RNF17: variants seen among roughly 807,000 people sequenced by gnomAD.
RNF17 encodes the protein spermatogenesis associated 23.
A neutral mutation model predicts 200.5 loss-of-function variants in RNF17; 31 were observed. The observed-to-expected ratio is 0.15, with a 90% CI of 0.12 to 0.21. RNF17 has a LOEUF of 0.21. Among genes scored for constraint, RNF17 ranks in the 10% least tolerant of loss-of-function variants. RNF17 has a pLI of 1.00. For synonymous variants in RNF17, 606 were observed against 637.8 expected (o/e 0.95, Z 0.75); for missense variants, 1,628 against 1,905.1 (o/e 0.85, Z 2.71).
chr13:24,762,309 C>A (rs868583239), upstream of RNF17, among the ~76,000 whole-genome samples: 8 of 139,380 alleles, frequency 5.7e-5, no homozygotes, highest in Middle Eastern at 4.1e-3. Context: ...ACCAAGGTTG[C>A]AGTGAGCTGA....
At chr13:24,828,927 G>GC (rs1325876815) in intron 16 of RNF17, among the ~76,000 whole-genome samples, 2 of 151,754 alleles carry the variant, frequency 1.3e-5, no homozygotes, top group Non-Finnish European at 2.9e-5. Context: ...TCCCACCTCA[G>GC]CCCCCAGATT....
At chr13:24,759,884 T>C (rs539806221), upstream of RNF17, among the ~76,000 whole-genome samples, 3 of 152,310 alleles carry the variant, frequency 2.0e-5, no homozygotes, top group African/African-American at 7.2e-5. Flanking sequence ...CTCACGCCTG[T>C]AATCCCAGCA....
chr13:24,877,214 T>C, intron 34 of RNF17, 28 bp downstream of exon 34: 3 of 1,571,812 alleles, frequency 1.9e-6, no homozygotes, highest in Non-Finnish European at 1.7e-6. Context: ...CCAAAATTAT[T>C]GTAAAGCTAT....
intron 6 of RNF17, among the ~76,000 whole-genome samples, chr13:24,787,349 G>A (rs1477325017): frequency 6.6e-6 from 1 of 152,126 alleles, no homozygotes; most frequent in African/African-American, 2.4e-5. Flanking sequence ...TTACCATTCT[G>A]TTTTCTTCCT....
chr13:24,784,617 T>C (rs771149805), intron 6 of RNF17, among the ~76,000 whole-genome samples: 21 of 152,198 alleles, frequency 1.4e-4, no homozygotes, highest in Non-Finnish European at 2.5e-4. Flanking sequence ...ATATAATTTG[T>C]GTACAGTTGT....
At chr13:24,886,368 G>A in the RNF17 span, 1 of 1,289,206 alleles carries the variant, frequency 7.8e-7, no homozygotes, top group East Asian at 5.5e-5. Context: ...CTGGGCGTGT[G>A]AGGCGGCTGT....
intron 1 of RNF17, among the ~76,000 whole-genome samples, chr13:24,765,127 T>C (rs940909869): frequency 6.6e-6 from 1 of 152,164 alleles, no homozygotes; most frequent in African/African-American, 2.4e-5. Context: ...GCCATTCTCC[T>C]GTCTCAGCCT....
At chr13:24,755,668 T>A in the RNF17 span, among the ~76,000 whole-genome samples, 1 of 152,198 alleles carries the variant, frequency 6.6e-6, no homozygotes, top group African/African-American at 2.4e-5. Context: ...TTATGAAAAG[T>A]TTCGTCTCTG....
In RNF17 at chr13:24,781,887, G is replaced by A. The variant is rs757079102; in HGVS notation, c.554G>A (p.Arg185Lys). 1 of 1,612,884 alleles carries A rather than the reference G, an allele frequency of 6.2e-7. No individual in the cohort carries two copies. The highest frequency in any genetic ancestry group is 8.5e-7 in the Non-Finnish European group (1 of 1,179,746). Residue 185 changes from arginine (R) to lysine (K), a missense_variant, in exon 6 of 36, where the codon AGA (arginine) becomes AAA (lysine). Arg to Lys is a conservative substitution (Grantham distance 26). Transcript: ENST00000255324. ...MQKQTIEERE[R>K]VIEVVEKQFD... ...AAGCAAACGATAGAGGAAAGAGAAA[G>A]AGTTATAGAAGTTGTGGAGAAACAG...
chr13:24,884,450 T>A, downstream of RNF17: 1 of 1,614,104 alleles, frequency 6.2e-7, no homozygotes, highest in East Asian at 2.2e-5. Context: ...CCCATTCTTA[T>A]AAACCTTTTC....
chr13:24,776,827 C>CT (rs891378974), intron 3 of RNF17, among the ~76,000 whole-genome samples: 4 of 151,954 alleles, frequency 2.6e-5, no homozygotes, highest in Non-Finnish European at 2.9e-5. Flanking sequence ...GTTGCCACAT[C>CT]TTTTTTTTCT....
At chr13:24,800,799 A>C (rs1885160523) in intron 13 of RNF17, among the ~76,000 whole-genome samples, 1 of 152,228 alleles carries the variant, frequency 6.6e-6, no homozygotes, top group South Asian at 2.1e-4. Context: ...TTTTGGAGTC[A>C]ACTATACAGA....
In RNF17 at chr13:24,793,187, C is replaced by T. The variant is rs74430232; in HGVS notation, c.1081C>T (p.Pro361Ser). 7,565 of 1,614,118 alleles carry T rather than the reference C, an allele frequency of 4.7e-3. 253 individuals are homozygous for T. In the East Asian group the frequency reaches 0.1, roughly 22 times the overall value. The part of the protein sequence containing the change: ...SVLTSEAPPP[P>S]LQPETNDVHL... ...CCTAACCAGTGAAGCACCACCACCT[C>T]CTTTGCAACCTGAGACAAATGATGT... Residue 361 changes from proline to serine, a missense_variant, in exon 10 of 36, where the codon CCT becomes TCT. Transcript: ENST00000255324.
chr13:24,756,094 T>C, the RNF17 span, among the ~76,000 whole-genome samples: 1 of 152,200 alleles, frequency 6.6e-6, no homozygotes, highest in Non-Finnish European at 1.5e-5. Flanking sequence ...GTATCTTCTC[T>C]CTTTAGTAGC....
chr13:24,781,816 GT>G lies in RNF17; in HGVS notation c.511-23del, dbSNP rs548984649. 4.5e-4 allele frequency: 651 copies of G among 1,449,418 alleles called. 6 individuals carry two copies. The East Asian group carries it at 0.015, about 34-fold the overall frequency. 89.8% of individuals were successfully genotyped at this position (1,449,418 alleles called of 1,614,324 possible). A position where few individuals can be genotyped will look rare whatever the true frequency, so the allele number is the denominator to read the frequency against. On this transcript the variant is annotated intron_variant, in intron 5 of 35. Coordinates refer to ENST00000255324, the MANE Select transcript of RNF17 (RefSeq NM_031277.3). ...TACAAAATAAAAATTCCCAAATTAA[GT>G]TTTTGTCTTGTTTTTTTTTTTTCCA...
At chr13:24,802,192 G>C (rs1885329625) in intron 13 of RNF17, among the ~76,000 whole-genome samples, 189 bp from the exon 14 acceptor site, 1 of 152,016 alleles carries the variant, frequency 6.6e-6, no homozygotes, top group Admixed American at 6.6e-5. Flanking sequence ...CACCATCTTG[G>C]CCAGGCTGGT....
intron 2 of RNF17, among the ~76,000 whole-genome samples, chr13:24,769,206 G>T (rs1428583260): frequency 6.6e-6 from 1 of 151,340 alleles, no homozygotes; most frequent in Non-Finnish European, 1.5e-5. Context: ...AAAAAGACTT[G>T]GCAAATGATT....
At chr13:24,789,041 C>G (rs950252328) in intron 7 of RNF17, among the ~76,000 whole-genome samples, 28 of 152,104 alleles carry the variant, frequency 1.8e-4, no homozygotes, top group Non-Finnish European at 1.5e-5. Context: ...CCTAGTTAAT[C>G]TAGCTAAGAA....
chr13:24,819,367 A>G (rs761992408), intron 15 of RNF17, among the ~76,000 whole-genome samples: 17 of 152,162 alleles, frequency 1.1e-4, no homozygotes, highest in African/African-American at 2.2e-4. Flanking sequence ...AGGATTTCCT[A>G]TTTTAAGGCT....
Sources: gnomAD v4.1 joint callset for allele counts (sites outside exome capture counted in the v4.1 genomes callset) on GRCh38, gnomAD v4.1.1 for gene constraint, MANE v1.5 for transcripts, NCBI Gene and HGNC (gene_info 2026-07-23, HGNC 2026-07-21) for gene names.